COL11A1: variants seen among roughly 807,000 people sequenced by gnomAD.
COL11A1 encodes the protein collagen type XI alpha 1 chain.
In COL11A1, 74 loss-of-function variants were observed where a neutral mutation model predicts 265.2. The observed-to-expected ratio is 0.28, with a 90% CI of 0.23 to 0.34. COL11A1 has a LOEUF of 0.34. Ranked by LOEUF, COL11A1 falls within the 10% of genes least tolerant of loss-of-function variation. The pLI is 1.00. For missense variants in COL11A1, 2,165 were observed against 2,263.6 expected, an observed-to-expected ratio of 0.96 and a Z score of 0.88; for synonymous variants, 816 against 727.6, an observed-to-expected ratio of 1.12 and a Z score of -1.96.
intron 29 of COL11A1, among the ~76,000 whole-genome samples, chr1:102,988,234 A>C (rs1417248275): frequency 1.3e-5 from 2 of 152,170 alleles, no homozygotes; most frequent in Non-Finnish European, 1.5e-5. Context: ...CCCCAGCCAG[A>C]AGCTGAATCA....
intron 30 of COL11A1, 141 bp from the exon 31 acceptor site, chr1:102,984,332 T>G: frequency 1.7e-6 from 1 of 586,884 alleles, no homozygotes; most frequent in Admixed American, 2.9e-5. Flanking sequence ...ATTATTTACC[T>G]TCATTATATT....
intron 41 of COL11A1, among the ~76,000 whole-genome samples, chr1:102,959,411 T>TG (rs1660674000): frequency 3.1e-5 from 1 of 32,376 alleles, no homozygotes; most frequent in Non-Finnish European, 7.4e-5. Context: ...TTCTCGCTCT[T>TG]CAACGATTTT....
rs555046246 is a variant in COL11A1 at position 102,933,554 on chromosome 1, T to C, written c.3600+895A>G. Among the ~76,000 whole-genome samples, 19 of 152,078 alleles carry C rather than the reference T, an allele frequency of 1.2e-4. No individual in the cohort carries two copies. In the East Asian group the frequency reaches 3.1e-3, roughly 25 times the overall value. The stretch of plus-strand genomic sequence containing the variant: ...TTACTGTTGTCTTGTTTGTCAGTGC[T>C]CTGCCCCCCAGAGGTGGAGCCTACA... On this transcript the variant is annotated intron_variant, in intron 46 of 66. Transcript: ENST00000370096.
chr1:102,929,959 T>C (rs1416669398), intron 46 of COL11A1, among the ~76,000 whole-genome samples: 2 of 152,220 alleles, frequency 1.3e-5, no homozygotes, highest in Non-Finnish European at 2.9e-5. Flanking sequence ...GAGACTTTGC[T>C]AAAGTTGCTT....
rs74110532 is a variant in COL11A1 at position 102,965,053 on chromosome 1, A to G, written c.2916+434T>C. 6.3e-3 allele frequency among the ~76,000 whole-genome samples: 965 copies of G among 152,256 alleles called. 11 individuals carry two copies. Among genetic ancestry groups the G allele is most frequent in the African/African-American group, 0.022 (925 of 41,560 alleles). On this transcript the variant is annotated intron_variant, in intron 38 of 66. Coordinates refer to ENST00000370096, the MANE Select transcript of COL11A1 (RefSeq NM_001854.4). Reference sequence around the variant, plus strand: ...GCAAAAATCTTAAGAAACACCTAATATGTTACAAATATTAAAATTTTAGAA... The same window carrying G: ...GCAAAAATCTTAAGAAACACCTAATGTGTTACAAATATTAAAATTTTAGAA...
Position 103,031,230 on chromosome 1 carries a change from C to T in COL11A1, c.666G>A (p.Gln222=), listed in dbSNP as rs769037194. 5.1e-6 allele frequency: 8 copies of T among 1,582,520 alleles called. No homozygotes were observed. In the South Asian group the frequency reaches 8.9e-5, roughly 18 times the overall value. Residue 222 remains glutamine (Q), a synonymous_variant, in exon 5 of 67, where the codon CAG becomes CAA. Coordinates refer to ENST00000370096, the MANE Select transcript of COL11A1 (RefSeq NM_001854.4). ...DEEVFEGDIQ[Q]FLITGDPKAA... ...CCTTGGGATCACCTGTGATCAAAAA[C>T]TGCTGAATGTCCCCCTGGGAAAAAA...
intron 54 of COL11A1, among the ~76,000 whole-genome samples, chr1:102,903,466 T>C (rs1403939823): frequency 6.6e-6 from 1 of 152,210 alleles, no homozygotes; most frequent in African/African-American, 2.4e-5. Context: ...GTGGCTTTTT[T>C]ATTGTTTCCA....
chr1:103,022,257 T>C (rs1320694164), intron 8 of COL11A1, among the ~76,000 whole-genome samples: 2 of 152,064 alleles, frequency 1.3e-5, no homozygotes, highest in African/African-American at 4.8e-5. Flanking sequence ...GGCTTAAATA[T>C]GGCAAAAATT....
At chr1:103,020,117 G>C (rs201351960) in intron 9 of COL11A1, among the ~76,000 whole-genome samples, 150,683 of 151,838 alleles carry the variant, frequency 0.99, 74,781 homozygotes, top group East Asian at 1. Flanking sequence ...AATGGGATGG[G>C]TGGGTCAAAT....
At chr1:103,035,066 C>T (rs1261103689) in intron 4 of COL11A1, among the ~76,000 whole-genome samples, 3 of 152,056 alleles carry the variant, frequency 2.0e-5, no homozygotes, top group Admixed American at 6.6e-5. Flanking sequence ...TGTGCCTTGG[C>T]AAACACTTTC....
chr1:103,008,643 T>C (rs1665851705), intron 14 of COL11A1, 127 bp from the exon 15 acceptor site: 1 of 854,886 alleles, frequency 1.2e-6, no homozygotes, highest in Non-Finnish European at 1.9e-6. Flanking sequence ...CATTAACTTA[T>C]TAATTAACAC....
rs36076089 is a variant in COL11A1, at chr1:103,031,249, GAAAA to G, written c.652-9_652-6del. 1 of 1,363,246 alleles carries G rather than the reference GAAAA, an allele frequency of 7.3e-7. No homozygotes were observed. The allele number at this position is 1,363,246 out of a possible 1,614,324, so 84.4% of individuals were successfully genotyped here. On this transcript the variant is annotated splice_polypyrimidine_tract_variant and splice_region_variant and intron_variant, in intron 4 of 66. Coordinates refer to ENST00000370096, the MANE Select transcript of COL11A1 (RefSeq NM_001854.4). ...CAAAAACTGCTGAATGTCCCCCTGGGAAAAAAAAAAAAACAAAAACAAACAGACA... is the reference window on the plus strand; with the variant it reads ...CAAAAACTGCTGAATGTCCCCCTGGGAAAAAAAAACAAAAACAAACAGACA...
At chr1:102,934,578 T>C in intron 45 of COL11A1, 22 bp from the exon 46 acceptor site, 1 of 1,561,510 alleles carries the variant, frequency 6.4e-7, no homozygotes, top group Non-Finnish European at 8.8e-7. Flanking sequence ...AAAGAAACAT[T>C]ATCACAAACT....
intron 4 of COL11A1, among the ~76,000 whole-genome samples, chr1:103,050,194 G>T (rs1218757025): frequency 1.3e-5 from 2 of 152,214 alleles, no homozygotes; most frequent in Non-Finnish European, 2.9e-5. Context: ...CCTGCAGAGT[G>T]TTTTCCAACT....
chr1:102,965,690 T>C, intron 37 of COL11A1, 150 bp from the exon 38 acceptor site: 1 of 639,310 alleles, frequency 1.6e-6, no homozygotes, highest in South Asian at 2.0e-5. Context: ...GTTTAATATG[T>C]TAAACTTATT....
At chr1:102,929,821 G>A (rs899635514) in intron 46 of COL11A1, among the ~76,000 whole-genome samples, 17 of 151,988 alleles carry the variant, frequency 1.1e-4, no homozygotes, top group African/African-American at 4.1e-4. Flanking sequence ...CTTGTAAGTT[G>A]GATTCCTAGG....
intron 41 of COL11A1, among the ~76,000 whole-genome samples, chr1:102,959,789 C>A (rs1357590084): frequency 6.6e-6 from 1 of 152,134 alleles, no homozygotes; most frequent in Admixed American, 6.6e-5. Flanking sequence ...ACATAGTATG[C>A]AGCCTACAAA....
intron 47 of COL11A1, among the ~76,000 whole-genome samples, chr1:102,921,973 A>C (rs1396209487): frequency 1.3e-5 from 2 of 152,190 alleles, no homozygotes; most frequent in African/African-American, 4.8e-5. Flanking sequence ...TTTTTTGTTG[A>C]TAGGTATTTT....
chr1:102,901,074 T>C (rs1443709944), intron 54 of COL11A1, among the ~76,000 whole-genome samples: 1 of 151,884 alleles, frequency 6.6e-6, no homozygotes, highest in South Asian at 2.1e-4. Flanking sequence ...AATCCCAGCA[T>C]TTTGGGAGAC....
Sources: gnomAD v4.1 joint callset for allele counts (sites outside exome capture counted in the v4.1 genomes callset) on GRCh38, gnomAD v4.1.1 for gene constraint, MANE v1.5 for transcripts, NCBI Gene and HGNC (gene_info 2026-07-23, HGNC 2026-07-21) for gene names.